Variants in TMTC1 observed in about 807,000 individuals in gnomAD.
The protein encoded by TMTC1 is transmembrane O-mannosyltransferase targeting cadherins 1, also known as protein O-mannosyl-transferase TMTC1.
Under a neutral mutation model 104.8 loss-of-function variants are expected in TMTC1, and 73 were observed. The observed-to-expected ratio is 0.70, with a 90% confidence interval of 0.58 to 0.85. TMTC1 has a LOEUF of 0.85. Among genes scored for constraint, TMTC1 ranks in the 40% least tolerant of loss-of-function variants. TMTC1 has a pLI of 0.00. For synonymous variants in TMTC1, 434 were observed against 428.7 expected (o/e 1.01, Z -0.15); for missense variants, 1,035 against 1,096.1 (o/e 0.94, Z 0.79).
At chr12:29,626,890 C>T (rs1189965755) in intron 6 of TMTC1, among the ~76,000 whole-genome samples, 1 of 152,166 alleles carries the variant, frequency 6.6e-6, no homozygotes, top group Admixed American at 6.5e-5. Context: ...CACTTGAGGT[C>T]TGGAGTTCGA....
At chr12:29,589,598 G>A (rs1453720193) in intron 7 of TMTC1, among the ~76,000 whole-genome samples, 2 of 152,132 alleles carry the variant, frequency 1.3e-5, no homozygotes, top group Non-Finnish European at 2.9e-5. Context: ...CTGCCTCCTT[G>A]TAGGAACAGA....
chr12:29,745,614 C>CCAACAAA, intron 5 of TMTC1, among the ~76,000 whole-genome samples: 1 of 19,156 alleles, frequency 5.2e-5, no homozygotes, highest in East Asian at 2.1e-3. Flanking sequence ...GAGCGAGACT[C>CCAACAAA]AATCAAAAAA....
chr12:29,595,825 CA>C (rs1169864636), intron 7 of TMTC1, among the ~76,000 whole-genome samples: 3 of 152,176 alleles, frequency 2.0e-5, no homozygotes, highest in African/African-American at 7.2e-5. Flanking sequence ...GGCTTTGTCC[CA>C]CTGAGGACTG....
intron 11 of TMTC1, among the ~76,000 whole-genome samples, chr12:29,530,152 TCC>T (rs1944461052): frequency 6.6e-6 from 1 of 152,100 alleles, no homozygotes; most frequent in Admixed American, 6.5e-5. Context: ...AAATCCTAAG[TCC>T]CCAATCTGAC....
chr12:29,750,621 C>A (rs1024743440), intron 5 of TMTC1, among the ~76,000 whole-genome samples: 2 of 152,166 alleles, frequency 1.3e-5, no homozygotes, highest in African/African-American at 4.8e-5. Context: ...ACAAAGACTG[C>A]AGAAAGAGGG....
At chr12:29,636,263 C>G (rs1264831545) in intron 5 of TMTC1, among the ~76,000 whole-genome samples, 1 of 152,114 alleles carries the variant, frequency 6.6e-6, no homozygotes, top group East Asian at 1.9e-4. Flanking sequence ...ATGCCACTTT[C>G]TCTACTTTTT....
intron 3 of TMTC1, among the ~76,000 whole-genome samples, chr12:29,758,013 G>A (rs1943256443): frequency 6.6e-6 from 1 of 152,128 alleles, no homozygotes; most frequent in Non-Finnish European, 1.5e-5. Flanking sequence ...TGAGATTTGG[G>A]TGGAGACACA....
At chr12:29,563,488 G>A (rs1945430593) in intron 9 of TMTC1, among the ~76,000 whole-genome samples, 1 of 152,094 alleles carries the variant, frequency 6.6e-6, no homozygotes, top group African/African-American at 2.4e-5. Context: ...GGAGTGGGGA[G>A]GAGAGTGGGT....
chr12:29,762,083 G>A (rs1057315058), intron 2 of TMTC1, among the ~76,000 whole-genome samples: 2 of 152,170 alleles, frequency 1.3e-5, no homozygotes, highest in Non-Finnish European at 2.9e-5. Flanking sequence ...GGAGGCTGAG[G>A]TGAGTGGATT....
At chr12:29,581,503 C>T (rs564947297) in intron 8 of TMTC1, among the ~76,000 whole-genome samples, 15 of 152,254 alleles carry the variant, frequency 9.9e-5, no homozygotes, top group South Asian at 2.1e-4. Context: ...GAAGATACTA[C>T]ATACTTCCAT....
rs767777421 is a variant in TMTC1, at chr12:29,751,746, A to G, written c.858T>C (p.Gly286=). The G allele has an allele frequency of 6.2e-7, 1 of 1,614,028 alleles. No homozygotes were observed. Among genetic ancestry groups the G allele is most frequent in the Non-Finnish European group, 8.5e-7 (1 of 1,180,004 alleles). Residue 286 remains glycine, a synonymous_variant, in exon 5 of 18, where the codon GGT becomes GGC. Transcript: ENST00000539277. Reference sequence around the variant, plus strand: ...CTGGTGGCAGTGGAGAGTGGCAGCCACCCCAAGCTCCTTTGTGAGGGAACC... The same window carrying G: ...CTGGTGGCAGTGGAGAGTGGCAGCCGCCCCAAGCTCCTTTGTGAGGGAACC... ...QQRFPHKGAW[G]GCHSPLPPEP...
chr12:29,748,551 T>C (rs1008699650), intron 5 of TMTC1, among the ~76,000 whole-genome samples: 1 of 152,242 alleles, frequency 6.6e-6, no homozygotes, highest in Non-Finnish European at 1.5e-5. Flanking sequence ...CCACTTACTA[T>C]GTGAACTTGG....
chr12:29,666,326 C>T (rs957149582), intron 5 of TMTC1: 16 of 361,996 alleles, frequency 4.4e-5, no homozygotes, highest in Non-Finnish European at 8.3e-5. Context: ...TTCCTGGGTT[C>T]ATGCCATTTT....
intron 8 of TMTC1, among the ~76,000 whole-genome samples, chr12:29,580,300 C>G (rs982507121): frequency 6.6e-6 from 1 of 152,022 alleles, no homozygotes; most frequent in African/African-American, 2.4e-5. Flanking sequence ...GCCTGGGTGA[C>G]AGAGTGAGAC....
chr12:29,571,991 G>GTTTACTGTC (rs1945691235), intron 9 of TMTC1, 114 bp downstream of exon 9: 1 of 794,420 alleles, frequency 1.3e-6, no homozygotes, highest in Non-Finnish European at 2.1e-6. Flanking sequence ...CCAAGGATCA[G>GTTTACTGTC]TTTACTGTCA....
chr12:29,773,096 T>C (rs1002350945), intron 1 of TMTC1, among the ~76,000 whole-genome samples: 1 of 152,210 alleles, frequency 6.6e-6, no homozygotes, highest in Non-Finnish European at 1.5e-5. Context: ...CATCTCTCAC[T>C]ATCTGAAAAC....
intron 6 of TMTC1, among the ~76,000 whole-genome samples, chr12:29,626,903 C>T (rs1039834751): frequency 6.6e-6 from 1 of 152,112 alleles, no homozygotes. Context: ...GAGTTCGAGA[C>T]CAGCCTGGCC....
rs117872099 is a variant in TMTC1, at chr12:29,614,082, C to T, written c.1129-9783G>A. 7.1e-3 allele frequency: 1,338 copies of T among 187,234 alleles called. 10 individuals are homozygous for T. The highest frequency in any genetic ancestry group is 7.6e-3 in the Non-Finnish European group (756 of 100,064). 11.6% of individuals were successfully genotyped at this position (187,234 alleles called of 1,614,324 possible). The stretch of plus-strand genomic sequence containing the variant: ...GCACTTCCAAAAGATAATCATCCAT[C>T]CTACTTTATCAAACTACGGAGATAT... On this transcript the variant is annotated intron_variant, in intron 6 of 17. Coordinates refer to ENST00000539277, the MANE Select transcript of TMTC1 (RefSeq NM_001193451.2).
chr12:29,684,991 G>A lies in TMTC1; in HGVS notation c.939-51655C>T, dbSNP rs193169243. ...TTTCCCTTTCTATTTCAAACAGTGTGCATTCTATTGCCAACCTAAGAAACT... is the reference window on the plus strand; with the variant it reads ...TTTCCCTTTCTATTTCAAACAGTGTACATTCTATTGCCAACCTAAGAAACT... On this transcript the variant is annotated intron_variant, in intron 5 of 17. Coordinates refer to ENST00000539277, the MANE Select transcript of TMTC1 (RefSeq NM_001193451.2). 2.4e-3 allele frequency among the ~76,000 whole-genome samples: 361 copies of A among 152,172 alleles called. 2 individuals carry two copies. The highest frequency in any genetic ancestry group is 8.4e-3 in the African/African-American group (350 of 41,520).
Sources: gnomAD v4.1 joint callset for allele counts (sites outside exome capture counted in the v4.1 genomes callset) on GRCh38, gnomAD v4.1.1 for gene constraint, MANE v1.5 for transcripts, NCBI Gene and HGNC (gene_info 2026-07-23, HGNC 2026-07-21) for gene names.